Variants in DOP1B observed in about 807,000 individuals in gnomAD.
DOP1B encodes the protein protein DOP1B.
Under a neutral mutation model 233.5 loss-of-function variants are expected in DOP1B, and 174 were observed. The observed-to-expected ratio is 0.75, with a 90% CI of 0.66 to 0.85. The LOEUF is 0.85. Ranked by LOEUF, DOP1B falls within the 40% of genes least tolerant of loss-of-function variation. The probability of loss-of-function intolerance (pLI) is 0.00; values close to 1 mark genes in which losing one functional copy is unlikely to be tolerated. For missense variants in DOP1B, 2,652 were observed against 2,846.6 expected, an observed-to-expected ratio of 0.93 and a Z score of 1.56; for synonymous variants, 1,190 against 1,185.6, an observed-to-expected ratio of 1.00 and a Z score of -0.08.
At chr21:36,165,185 T>C (rs1447814286) in intron 2 of DOP1B, among the ~76,000 whole-genome samples, 2 of 152,182 alleles carry the variant, frequency 1.3e-5, no homozygotes, top group Admixed American at 1.3e-4. Context: ...AGTGTTCGTA[T>C]AGTTGAAGTC....
intron 2 of DOP1B, among the ~76,000 whole-genome samples, chr21:36,168,382 A>C (rs2065936321): frequency 6.6e-6 from 1 of 152,092 alleles, no homozygotes; most frequent in Non-Finnish European, 1.5e-5. Context: ...GTGCATACTT[A>C]GGAGGGGCAT....
Position 36,245,291 on chromosome 21 carries a change from C to G in DOP1B, c.3311C>G (p.Pro1104Arg). 6.2e-7 allele frequency: 1 copy of G among 1,614,068 alleles called. No homozygotes were observed. Among genetic ancestry groups the G allele is most frequent in the South Asian group, 1.1e-5 (1 of 91,084 alleles). Residue 1104 changes from proline to arginine, a missense_variant, in exon 19 of 37, where the codon CCG becomes CGG. Physicochemically the swap from Pro to Arg is moderately radical, Grantham distance 103. Transcript: ENST00000691173. This position sits in a 1 kb window ranked among gnomAD's most constrained non-coding sequence, Gnocchi z 5.5. ...CCAGACAGGACGGCCCACGGCGCCC[C>G]GGACAGCAGCGAGCACACCGAGTCT... ...ELPDRTAHGA[P>R]DSSEHTESAD...
intron 22 of DOP1B, among the ~76,000 whole-genome samples, chr21:36,251,619 C>T (rs1266126145): frequency 6.6e-6 from 1 of 152,118 alleles, no homozygotes; most frequent in Non-Finnish European, 1.5e-5. Flanking sequence ...CAGGGTTTCG[C>T]CATGTTGGCC....
chr21:36,283,425 C>T (rs200160416), intron 32 of DOP1B, among the ~76,000 whole-genome samples: 3 of 151,964 alleles, frequency 2.0e-5, no homozygotes, highest in South Asian at 4.1e-4. Context: ...AGCGTTGACT[C>T]GTTAGTCATG....
chr21:36,274,136 A>C (rs1406481807), intron 27 of DOP1B, among the ~76,000 whole-genome samples: 1 of 151,006 alleles, frequency 6.6e-6, no homozygotes, highest in East Asian at 1.9e-4. Flanking sequence ...AGGTAGCCTT[A>C]AAGTACTTAG....
intron 30 of DOP1B, among the ~76,000 whole-genome samples, chr21:36,279,655 T>C (rs1411072961): frequency 1.3e-5 from 2 of 152,140 alleles, no homozygotes; most frequent in Non-Finnish European, 2.9e-5. Flanking sequence ...TCCCACTCTT[T>C]TCATCAACAC....
At chr21:36,238,784 G>T in intron 17 of DOP1B, 83 bp downstream of exon 17, 13 of 1,350,196 alleles carry the variant, frequency 9.6e-6, no homozygotes, top group Non-Finnish European at 1.4e-5. Context: ...GGGCTGGGGA[G>T]GGAGAGGAGC....
chr21:36,271,914 C>T (rs970847226), intron 27 of DOP1B, among the ~76,000 whole-genome samples: 2 of 149,704 alleles, frequency 1.3e-5, no homozygotes, highest in African/African-American at 4.9e-5. Flanking sequence ...GGGCGGGTCG[C>T]CTGAGGTGAT....
chr21:36,236,777 C>CTTTTTTTTTTTTTT (rs35374710), intron 15 of DOP1B, among the ~76,000 whole-genome samples: 24 of 118,558 alleles, frequency 2.0e-4, no homozygotes, highest in Non-Finnish European at 2.3e-4. Flanking sequence ...TTTTCTTTTT[C>CTTTTTTTTTTTTTT]TTTTTTTTTT....
chr21:36,239,876 C>T lies in DOP1B; in HGVS notation c.2988C>T (p.Leu996=), dbSNP rs1021764146. The T allele has an allele frequency of 6.2e-6, 10 of 1,602,842 alleles. No individual in the cohort carries two copies. Among genetic ancestry groups the T allele is most frequent in the East Asian group, 2.3e-5 (1 of 44,388 alleles). The part of the protein sequence containing the change: ...ALSLGDVARI[L]EPVLLLLLQP... ...CCCTCGGGGACGTGGCTCGCATCCT[C>T]GAACCCGTGCTCCTGCTGCTGCTGC... Residue 996 remains leucine, a synonymous_variant, in exon 18 of 37, where the codon CTC becomes CTT. Transcript: ENST00000691173.
At chr21:36,214,834 G>T (rs1353794941) in intron 9 of DOP1B, among the ~76,000 whole-genome samples, 3 of 152,098 alleles carry the variant, frequency 2.0e-5, no homozygotes, top group Non-Finnish European at 2.9e-5. Context: ...AAACCAGCCT[G>T]GGTAATATGG....
intron 4 of DOP1B, among the ~76,000 whole-genome samples, chr21:36,206,795 A>G (rs1364272528): frequency 6.6e-6 from 1 of 152,222 alleles, no homozygotes; most frequent in Non-Finnish European, 1.5e-5. Flanking sequence ...TTGTTTACTC[A>G]GCCTTTAATA....
intron 2 of DOP1B, among the ~76,000 whole-genome samples, chr21:36,188,866 G>A (rs2066196617): frequency 6.6e-6 from 1 of 152,124 alleles, no homozygotes; most frequent in South Asian, 2.1e-4. Flanking sequence ...GCTAAATAAA[G>A]CGTTTTAAAA....
rs1025833225 is a variant in DOP1B at position 36,209,728 on chromosome 21, C to T, written c.681+824C>T. On this transcript the variant is annotated intron_variant, in intron 5 of 36. Coordinates refer to ENST00000691173, the MANE Select transcript of DOP1B (RefSeq NM_001320714.2). ...CTTCCCTGGTAACGACATCCCTTCTCGTGCCCTTAGAAATGGTAACCTCCC... is the reference window on the plus strand; with the variant it reads ...CTTCCCTGGTAACGACATCCCTTCTTGTGCCCTTAGAAATGGTAACCTCCC... 2.6e-5 allele frequency among the ~76,000 whole-genome samples: 4 copies of T among 152,208 alleles called. 1 individual carries two copies. Among genetic ancestry groups the T allele is most frequent in the South Asian group, 4.1e-4 (2 of 4,832 alleles).
intron 11 of DOP1B, among the ~76,000 whole-genome samples, chr21:36,225,318 C>T (rs570655881): frequency 6.8e-4 from 104 of 152,100 alleles, no homozygotes; most frequent in Middle Eastern, 3.4e-3. Context: ...CAACCTCTGC[C>T]TCCCGGGTTC....
intron 15 of DOP1B, 53 bp from the exon 16 acceptor site, chr21:36,237,209 G>A: frequency 1.2e-6 from 2 of 1,611,868 alleles, no homozygotes; most frequent in Non-Finnish European, 1.7e-6. Flanking sequence ...GATGTGAGCG[G>A]ATGTTGCCTG....
In DOP1B at chr21:36,231,088, C is replaced by T. The variant is rs750684828; in HGVS notation, c.2304C>T (p.Ser768=). Residue 768 remains serine (S), a synonymous_variant, in exon 14 of 37, where the codon TCC becomes TCT. Coordinates refer to ENST00000691173, the MANE Select transcript of DOP1B (RefSeq NM_001320714.2). ...GTGCCACTTTCCCTGTCTACCTGTC[C>T]GAGGAAGAGACCGAGCAGCTCTGTG... ...LDCATFPVYL[S]EEETEQLCAT... is the part of the protein sequence containing the mutation. 9.9e-6 allele frequency: 16 copies of T among 1,611,954 alleles called. No individual in the cohort carries two copies. The highest frequency in any genetic ancestry group is 5.0e-5 in the Admixed American group (3 of 59,858).
rs202229502 is a variant in DOP1B, at chr21:36,233,014, C to T, written c.2561C>T (p.Thr854Met). The T allele has an allele frequency of 3.2e-5, 52 of 1,614,104 alleles. No homozygotes were observed. Among genetic ancestry groups the T allele is most frequent in the South Asian group, 1.1e-4 (10 of 91,084 alleles). The part of the protein sequence containing the change: ...NPFFGKLQMV[T>M]VPPIAPGILK... ...TTTTTTGGCAAGCTGCAGATGGTGA[C>T]GGTTCCTCCCATTGCTCCAGGGATA... Residue 854 changes from threonine (T) to methionine (M), a missense_variant, in exon 15 of 37, where the codon ACG (threonine) becomes ATG (methionine). Coordinates refer to ENST00000691173, the MANE Select transcript of DOP1B (RefSeq NM_001320714.2).
rs541281990 is a variant in DOP1B, at chr21:36,237,362, C to T, written c.2723C>T (p.Thr908Met). The T allele has an allele frequency of 1.6e-5, 26 of 1,614,192 alleles. No homozygotes were observed. The highest frequency in any genetic ancestry group is 1.6e-4 in the Middle Eastern group (1 of 6,062). ...TACCGGCTGCACTGCCTGGCCCCTACGGCCAACATCTGCGAGGACATCATC... is the reference window on the plus strand; with the variant it reads ...TACCGGCTGCACTGCCTGGCCCCTATGGCCAACATCTGCGAGGACATCATC... Reference protein sequence around the residue: ...LFYRLHCLAPTANICEDIICH... With the variant: ...LFYRLHCLAPMANICEDIICH... The change falls in exon 16 of 37, where the codon ACG (threonine) becomes ATG (methionine). Residue 908 changes from threonine (T) to methionine (M), a missense_variant. Thr to Met is a moderately conservative substitution (Grantham distance 81). Around this residue, in one of 3 missense-constraint regions of DOP1B, gnomAD observed 2,617 missense variants for 2,794.3 expected, o/e 0.94. Coordinates refer to ENST00000691173, the MANE Select transcript of DOP1B (RefSeq NM_001320714.2).
Sources: allele counts gnomAD v4.1 joint callset (sites outside exome capture counted in the v4.1 genomes callset), GRCh38; gene constraint gnomAD v4.1.1; regional missense constraint gnomAD v4.1.1; non-coding constraint Gnocchi (gnomAD v3.1); transcripts MANE v1.5; gene names NCBI Gene and HGNC (gene_info 2026-07-23, HGNC 2026-07-21).